CPT1C: variants seen among roughly 807,000 people sequenced by gnomAD.
CPT1C encodes the protein carnitine palmitoyltransferase 1C.
CPT1C carries 61 observed loss-of-function variants against 97.3 expected under a neutral mutation model. That is an observed-to-expected ratio of 0.63 (90% CI 0.51 to 0.78). The LOEUF (loss-of-function observed/expected upper bound fraction) is 0.78, where lower values mean the gene tolerates loss of function less well. Among genes scored for constraint, CPT1C ranks in the 30% least tolerant of loss-of-function variants. The pLI, the probability that CPT1C is intolerant of heterozygous loss-of-function variation, is 0.00. For synonymous variants in CPT1C, 469 were observed against 447.2 expected (o/e 1.05, Z -0.61); for missense variants, 975 against 1,065.5 (o/e 0.92, Z 1.18).
At position 49,713,679 on chromosome 19, in the gene CPT1C, G is replaced by A; in HGVS notation, c.*74G>A. 7 of 1,451,944 alleles carry A rather than the reference G, an allele frequency of 4.8e-6. No individual in the cohort carries two copies. Among genetic ancestry groups the A allele is most frequent in the Non-Finnish European group, 4.7e-6 (5 of 1,066,282 alleles). 89.9% of individuals were successfully genotyped at this position (1,451,944 alleles called of 1,614,324 possible). The stretch of plus-strand genomic sequence containing the variant: ...CCACAGCTGGCTGACACAGGACAGG[G>A]GCAACTGGTTTGGCAACCCCACATC... On this transcript the variant is annotated 3_prime_UTR_variant, in exon 20 of 20. Coordinates refer to ENST00000598293, the MANE Select transcript of CPT1C (RefSeq NM_001199753.2).
In CPT1C at chr19:49,705,937, A is replaced by T. The variant is rs1194062711; in HGVS notation, c.993A>T (p.Gln331His). 6.2e-7 allele frequency: 1 copy of T among 1,613,640 alleles called. No homozygotes were observed. The highest frequency in any genetic ancestry group is 1.1e-5 in the South Asian group (1 of 91,048). ...KDYIRHLHDS[Q>H]HVAVFHRGRF... ...ACATCCGCCACCTCCATGACAGCCA[A>T]CACGTGGCTGTCTTCCACCGGGGCC... Residue 331 changes from glutamine to histidine, a missense_variant, in exon 11 of 20, where the codon CAA (glutamine) becomes CAT (histidine). Physicochemically the swap from Gln to His is conservative, Grantham distance 24. Coordinates refer to ENST00000598293, the MANE Select transcript of CPT1C (RefSeq NM_001199753.2).
At chr19:49,707,207 C>T (rs1308043327) in intron 12 of CPT1C, among the ~76,000 whole-genome samples, 1 of 152,058 alleles carries the variant, frequency 6.6e-6, no homozygotes, top group Non-Finnish European at 1.5e-5. Flanking sequence ...CCCTCAGCTA[C>T]TTGGGAGGCG....
Position 49,711,870 on chromosome 19 carries a change from C to G in CPT1C, c.1928C>G (p.Ala643Gly), listed in dbSNP as rs2083907184. 2.5e-6 allele frequency: 4 copies of G among 1,613,976 alleles called. No individual in the cohort carries two copies. The highest frequency in any genetic ancestry group is 3.4e-6 in the Non-Finnish European group (4 of 1,180,034). The change falls in exon 17 of 20, where the codon GCA becomes GGA. Residue 643 changes from alanine (A) to glycine (G), a missense_variant. Coordinates refer to ENST00000598293, the MANE Select transcript of CPT1C (RefSeq NM_001199753.2). ...GACAAGCACCAGGCTCTGCTGAAGG[C>G]AGCCATGAGCGGGCAGGGAGTTGAC... is the stretch of plus-strand genomic sequence containing the variant. ...AVDKHQALLK[A>G]AMSGQGVDRH... is the part of the protein sequence containing the mutation.
At chr19:49,702,039 T>TTATTTATAAATTATAAATAAATATG (rs1568521235) in intron 7 of CPT1C, among the ~76,000 whole-genome samples, 1 of 97,898 alleles carries the variant, frequency 1.0e-5, no homozygotes, top group East Asian at 2.3e-4. Context: ...AAATATATAT[T>TTATTTATAAATTATAAATAAATATG]TATTTATAAA....
chr19:49,706,233 G>A lies in CPT1C; in HGVS notation c.1163G>A (p.Gly388Asp). Reference protein sequence around the residue: ...HLAALTAAPRGTWAQVRTSLK... With the variant: ...HLAALTAAPRDTWAQVRTSLK... ...CAGGCACATCCCGGGCCCTCCAGGG[G>A]CACGTGGGCCCAGGTGCGGACATCC... Residue 388 changes from glycine (G) to aspartate (D), a missense_variant and splice_region_variant, in exon 12 of 20, where the codon GGC (glycine) becomes GAC (aspartate). Transcript: ENST00000598293. This position sits in a 1 kb window ranked among gnomAD's most constrained non-coding sequence, Gnocchi z 4.8. 6.5e-7 allele frequency: 1 copy of A among 1,533,880 alleles called. No individual in the cohort carries two copies. Among genetic ancestry groups the A allele is most frequent in the South Asian group, 1.3e-5 (1 of 79,474 alleles).
Position 49,699,457 on chromosome 19 carries a change from TAAAAAAAAAAAAA to T in CPT1C, c.282-1205_282-1193del, listed in dbSNP as rs71180647. Among the ~76,000 whole-genome samples the T allele has an allele frequency of 2.6e-4, 9 of 35,292 alleles. No homozygotes were observed. The South Asian group carries it at 9.6e-3, about 38-fold the overall frequency. 23.2% of individuals were successfully genotyped at this position (35,292 alleles called of 152,430 possible). A position where few individuals can be genotyped will look rare whatever the true frequency, so the allele number is the denominator to read the frequency against. ...TGGGCAACATAGAGACCCCTGTCTC[TAAAAAAAAAAAAA>T]AAAAAAAAAAAAAAAAAAAAATTCC... is the stretch of plus-strand genomic sequence containing the variant. On this transcript the variant is annotated intron_variant, in intron 4 of 19. Coordinates refer to ENST00000598293, the MANE Select transcript of CPT1C (RefSeq NM_001199753.2).
rs1375130444 is a variant in CPT1C, at chr19:49,706,327, T to G, written c.1257T>G (p.Ala419=). 2 of 1,522,952 alleles carry G rather than the reference T, an allele frequency of 1.3e-6. No homozygotes were observed. The highest frequency in any genetic ancestry group is 1.4e-5 in the African/African-American group (1 of 69,926). 94.3% of individuals were successfully genotyped at this position (1,522,952 alleles called of 1,614,324 possible). The change falls in exon 12 of 20, where the codon GCT becomes GCG. Residue 419 remains alanine (A), a synonymous_variant. Transcript: ENST00000598293. The surrounding 1 kb of genome is among the most constrained non-coding windows in gnomAD (Gnocchi z 4.8). The part of the protein sequence containing the change: ...EGAAFFVSLD[A]EPAGLTREDP... The stretch of plus-strand genomic sequence containing the variant: ...CCGCTTTCTTTGTGTCACTGGATGC[T>G]GAGCCCGCGGGGCTCACCAGGGAGG...
At chr19:49,707,489 T>C (rs763095326) in intron 12 of CPT1C, 29 bp from the exon 13 acceptor site, 4 of 1,555,404 alleles carry the variant, frequency 2.6e-6, no homozygotes, top group Non-Finnish European at 3.5e-6. Flanking sequence ...CCCTCGCTCT[T>C]GGTGACCCAT....
chr19:49,705,678 T>C (rs1346384212), intron 10 of CPT1C, among the ~76,000 whole-genome samples: 3 of 152,136 alleles, frequency 2.0e-5, no homozygotes, highest in African/African-American at 7.2e-5. Flanking sequence ...AAGGATCACC[T>C]GAGCCCCGGA....
chr19:49,700,170 C>T (rs1158995515), intron 4 of CPT1C, among the ~76,000 whole-genome samples: 2 of 151,620 alleles, frequency 1.3e-5, no homozygotes, highest in Non-Finnish European at 2.9e-5. Flanking sequence ...TGGCGTGAAC[C>T]CAGGAGGCGG....
chr19:49,706,117 G>C lies in CPT1C; in HGVS notation c.1160+13G>C, dbSNP rs1224088905. ...CAGCTGCTCCCAGGTAAGGGTCAGG[G>C]GTCAGGGGTCAGGGGCTCTCAGAGG... On this transcript the variant is annotated intron_variant, in intron 11 of 19. Transcript: ENST00000598293. This position sits in a 1 kb window ranked among gnomAD's most constrained non-coding sequence, Gnocchi z 4.8. 1 of 1,601,218 alleles carries C rather than the reference G, an allele frequency of 6.2e-7. No homozygotes were observed. The highest frequency in any genetic ancestry group is 1.3e-5 in the African/African-American group (1 of 74,574).
intron 7 of CPT1C, among the ~76,000 whole-genome samples, chr19:49,703,560 C>T (rs2083316225): frequency 8.4e-6 from 1 of 118,628 alleles, no homozygotes; most frequent in Non-Finnish European, 1.7e-5. Context: ...TTCTGTCTCT[C>T]TCTCCTCCCT....
At chr19:49,702,101 T>TATAAATATATATTTATTTATAAAGTATAA (rs2083184388) in intron 7 of CPT1C, among the ~76,000 whole-genome samples, 5 of 86,426 alleles carry the variant, frequency 5.8e-5, no homozygotes, top group Admixed American at 1.4e-4. Flanking sequence ...ATTTATAAAT[T>TATAAATATATATTTATTTATAAAGTATAA]ATAAATATAT....
At chr19:49,692,153 A>AAGG (rs1196740200) in intron 2 of CPT1C, 86 bp from the exon 3 acceptor site, 1 of 1,424,362 alleles carries the variant, frequency 7.0e-7, no homozygotes, top group East Asian at 2.4e-5. Flanking sequence ...CCTGGGTATG[A>AAGG]AGGAGGAGGA....
In CPT1C at chr19:49,706,759, C is replaced by G. The variant is rs2083522681; in HGVS notation, c.1343+346C>G. On this transcript the variant is annotated intron_variant, in intron 12 of 19. Coordinates refer to ENST00000598293, the MANE Select transcript of CPT1C (RefSeq NM_001199753.2). The surrounding 1 kb of genome is among the most constrained non-coding windows in gnomAD (Gnocchi z 4.8). ...CCACCAAACCCAGGACCCCTAGGCC[C>G]AGGGACCCCAGACTTGGCAACCTCA... Among the ~76,000 whole-genome samples, 1 of 152,042 alleles carries G rather than the reference C, an allele frequency of 6.6e-6. No homozygotes were observed. Among genetic ancestry groups the G allele is most frequent in the Admixed American group, 6.6e-5 (1 of 15,250 alleles).
chr19:49,691,591 TG>T (rs1352703710), intron 1 of CPT1C: 1 of 152,000 alleles, frequency 6.6e-6, no homozygotes, highest in Non-Finnish European at 1.5e-5. Context: ...AAAGCGGCAA[TG>T]GGGTGGACAG....
At position 49,693,147 on chromosome 19, in the gene CPT1C, G is replaced by C. The variant is rs533788881; in HGVS notation, c.141+754G>C. On this transcript the variant is annotated intron_variant, in intron 3 of 19. Transcript: ENST00000598293. ...AAGTGATCTGCCTCCCAAAGCGCTT[G>C]GGTTACAGGAATGAGCCACCGCGCC... Among the ~76,000 whole-genome samples, 11 of 152,278 alleles carry C rather than the reference G, an allele frequency of 7.2e-5. No homozygotes were observed. In the East Asian group the frequency reaches 2.1e-3, roughly 29 times the overall value.
chr19:49,711,556 A>C, intron 16 of CPT1C: 14 of 514,204 alleles, frequency 2.7e-5, no homozygotes, highest in East Asian at 3.4e-5. Context: ...CCTACAAGGT[A>C]TTGTGGTTCC....
Position 49,706,208 on chromosome 19 carries a change from C to A in CPT1C, c.1161-23C>A, listed in dbSNP as rs1382845844. The A allele has an allele frequency of 6.5e-7, 1 of 1,537,738 alleles. No homozygotes were observed. ...AGGTGGCGGCTGGGCAGGATGGACT[C>A]AGGCACATCCCGGGCCCTCCAGGGG... On this transcript the variant is annotated intron_variant, in intron 11 of 19. Transcript: ENST00000598293. The surrounding 1 kb of genome is among the most constrained non-coding windows in gnomAD (Gnocchi z 4.8).
Sources: gnomAD v4.1 joint callset for allele counts (sites outside exome capture counted in the v4.1 genomes callset) on GRCh38, gnomAD v4.1.1 for gene constraint, Gnocchi (gnomAD v3.1) non-coding constraint, MANE v1.5 for transcripts, NCBI Gene and HGNC (gene_info 2026-07-23, HGNC 2026-07-21) for gene names.